The following ROBO2 variants were observed in gnomAD, a reference collection of about 807,000 sequenced individuals.
The protein encoded by ROBO2 is roundabout homolog 2.
A neutral mutation model predicts 160.8 loss-of-function variants in ROBO2; 53 were observed. That is an observed-to-expected ratio of 0.33 (90% CI 0.26 to 0.41). The LOEUF (loss-of-function observed/expected upper bound fraction) is 0.41, where lower values mean the gene tolerates loss of function less well. Ranked by LOEUF, ROBO2 falls within the 10% of genes least tolerant of loss-of-function variation. The pLI is 1.00. For synonymous variants in ROBO2, 664 were observed against 611.7 expected, an observed-to-expected ratio of 1.09 and a Z score of -1.26; for missense variants, 1,577 against 1,722.4, an observed-to-expected ratio of 0.92 and a Z score of 1.49.
chr3:77,235,841 C>G (rs1427237023), intron 2 of ROBO2, among the ~76,000 whole-genome samples: 1 of 152,088 alleles, frequency 6.6e-6, no homozygotes, highest in East Asian at 1.9e-4. Context: ...ATCCTCTTCC[C>G]CCTAGACATA....
chr3:76,587,432 T>C (rs1037798667), intron 2 of ROBO2, among the ~76,000 whole-genome samples: 2 of 152,088 alleles, frequency 1.3e-5, no homozygotes, highest in Non-Finnish European at 2.9e-5. Context: ...TGGAGAGGCC[T>C]CAGGAAACTT....
rs376760877 is a variant in ROBO2 at position 77,309,593 on chromosome 3, T to G, written c.389-167821T>G. Among the ~76,000 whole-genome samples the G allele has an allele frequency of 2.5e-4, 38 of 152,350 alleles. No homozygotes were observed. The South Asian group carries it at 7.7e-3, about 31-fold the overall frequency. On this transcript the variant is annotated intron_variant, in intron 2 of 25. Transcript: ENST00000461745. ...AAAATACTTGTATTAAATGTGTTTA[T>G]CTGGTAACACTACTACTAAGAGCTT... is the stretch of plus-strand genomic sequence containing the variant.
chr3:76,939,539 C>T (rs1363399185), intron 2 of ROBO2, among the ~76,000 whole-genome samples: 1 of 151,994 alleles, frequency 6.6e-6, no homozygotes, highest in East Asian at 1.9e-4. Context: ...ACCTGTAATC[C>T]CAGCACTTTG....
chr3:76,652,311 T>G (rs768475837), intron 2 of ROBO2, among the ~76,000 whole-genome samples: 7 of 152,234 alleles, frequency 4.6e-5, no homozygotes, highest in Non-Finnish European at 8.8e-5. Flanking sequence ...TGCTAAGTAC[T>G]TTATGTGCAT....
chr3:77,405,728 G>A (rs1039051878), intron 2 of ROBO2, among the ~76,000 whole-genome samples: 2 of 152,076 alleles, frequency 1.3e-5, no homozygotes, highest in African/African-American at 4.8e-5. Context: ...TAGTTTAGGA[G>A]TTGGGAGGGA....
At chr3:76,054,137 T>C (rs994146756) in intron 2 of ROBO2, among the ~76,000 whole-genome samples, 4 of 152,168 alleles carry the variant, frequency 2.6e-5, no homozygotes, top group South Asian at 2.1e-4. Context: ...TTTACTTGAA[T>C]ATTTAAATTT....
intron 2 of ROBO2, among the ~76,000 whole-genome samples, chr3:76,609,048 A>G (rs914541361): frequency 5.9e-5 from 9 of 152,164 alleles, no homozygotes; most frequent in Non-Finnish European, 1.2e-4. Flanking sequence ...GCTATCCGTA[A>G]TGCTACTTCA....
At chr3:76,548,465 T>C (rs192775041) in intron 2 of ROBO2, among the ~76,000 whole-genome samples, 18 of 152,200 alleles carry the variant, frequency 1.2e-4, no homozygotes, top group Non-Finnish European at 8.8e-5. Context: ...AGGGATACCA[T>C]TGAAGAACAG....
At chr3:76,624,461 G>A (rs1024288892) in intron 2 of ROBO2, among the ~76,000 whole-genome samples, 1 of 151,924 alleles carries the variant, frequency 6.6e-6, no homozygotes. Context: ...CCAAGAAATG[G>A]TATTTCTCAT....
intron 2 of ROBO2, among the ~76,000 whole-genome samples, chr3:77,026,869 G>T (rs372828195): frequency 1.3e-5 from 2 of 151,966 alleles, no homozygotes; most frequent in Non-Finnish European, 2.9e-5. Context: ...GTAACTTCTC[G>T]TACCTAGAAG....
At chr3:77,605,864 G>A (rs1486985645) in intron 20 of ROBO2, among the ~76,000 whole-genome samples, 2 of 152,040 alleles carry the variant, frequency 1.3e-5, no homozygotes, top group African/African-American at 4.8e-5. Flanking sequence ...CATGGAAAAC[G>A]AAAAGCACTC....
At chr3:77,115,010 A>G (rs2074060461) in intron 2 of ROBO2, among the ~76,000 whole-genome samples, 2 of 152,092 alleles carry the variant, frequency 1.3e-5, no homozygotes, top group African/African-American at 4.8e-5. Flanking sequence ...TTTTTTAAAA[A>G]TGTTATTTAT....
At chr3:76,397,038 A>G (rs2077498299) in intron 2 of ROBO2, among the ~76,000 whole-genome samples, 1 of 152,192 alleles carries the variant, frequency 6.6e-6, no homozygotes, top group Non-Finnish European at 1.5e-5. Flanking sequence ...CCAAAAGAAC[A>G]AAGCTGGAGG....
rs1245177010 is a variant in ROBO2, at chr3:75,945,569, A to G, written c.109+7967A>G. Among the ~76,000 whole-genome samples the G allele has an allele frequency of 2.0e-5, 3 of 150,064 alleles. No homozygotes were observed. The East Asian group carries it at 5.8e-4, about 29-fold the overall frequency. Reference sequence around the variant, plus strand: ...AACGGTCACTATTGAAGACTCAATAATTTTGCTTTATTCTCTTGCAATTGA... The same window carrying G: ...AACGGTCACTATTGAAGACTCAATAGTTTTGCTTTATTCTCTTGCAATTGA... On this transcript the variant is annotated intron_variant, in intron 2 of 26. Coordinates refer to the ROBO2 transcript ENST00000487694.
At chr3:77,614,485 C>A (rs941540026) in intron 21 of ROBO2, among the ~76,000 whole-genome samples, 16 of 151,934 alleles carry the variant, frequency 1.1e-4, no homozygotes, top group Non-Finnish European at 1.9e-4. Context: ...TTTATAATGT[C>A]TAATATTATA....
intron 24 of ROBO2, among the ~76,000 whole-genome samples, chr3:77,636,041 A>G (rs1382614222): frequency 6.6e-6 from 1 of 152,090 alleles, no homozygotes; most frequent in Non-Finnish European, 1.5e-5. Flanking sequence ...GGTGTGTTTT[A>G]TAGGGTGCTC....
intron 2 of ROBO2, among the ~76,000 whole-genome samples, chr3:77,412,100 A>G (rs1255238815): frequency 6.6e-6 from 1 of 152,038 alleles, no homozygotes; most frequent in Non-Finnish European, 1.5e-5. Flanking sequence ...CTTGCATGGA[A>G]TTCTAACTCG....
intron 2 of ROBO2, among the ~76,000 whole-genome samples, chr3:76,089,683 A>G (rs565091613): frequency 3.9e-4 from 60 of 152,298 alleles, no homozygotes; most frequent in African/African-American, 1.4e-3. Context: ...TTTCAAGTTG[A>G]TAAAGCATAT....
In ROBO2 at chr3:76,840,645, T is replaced by TTATA. The variant is rs3068959; in HGVS notation, c.110-257342_110-257339dup. ...ATTATATATATATATTAATTATATT[T>TTATA]TATATATATATATATATATATATAT... On this transcript the variant is annotated intron_variant, in intron 2 of 26. Coordinates refer to the ROBO2 transcript ENST00000487694. Among the ~76,000 whole-genome samples, 755 of 134,924 alleles carry TTATA rather than the reference T, an allele frequency of 5.6e-3. 3 individuals carry two copies. The highest frequency in any genetic ancestry group is 0.012 in the East Asian group (58 of 4,768). The allele number at this position is 134,924 out of a possible 152,430, so 88.5% of individuals were successfully genotyped here.
Sources: gnomAD v4.1 joint callset for allele counts (sites outside exome capture counted in the v4.1 genomes callset) on GRCh38, gnomAD v4.1.1 for gene constraint, MANE v1.5 for transcripts, NCBI Gene and HGNC (gene_info 2026-07-23, HGNC 2026-07-21) for gene names.